Variants in AKAP13 observed in about 807,000 individuals in gnomAD.
AKAP13 encodes A-kinase anchor protein 13.
AKAP13 carries 80 observed loss-of-function variants against 264.5 expected under a neutral mutation model. The ratio of observed to expected loss-of-function variants is 0.30; its 90% confidence interval spans 0.25 to 0.36. The LOEUF is 0.36. Among genes scored for constraint, AKAP13 ranks in the 10% least tolerant of loss-of-function variants. The pLI, the probability that AKAP13 is intolerant of heterozygous loss-of-function variation, is 1.00. For synonymous variants in AKAP13, 1,380 were observed against 1,250.2 expected (o/e 1.10, Z -2.19); for missense variants, 3,712 against 3,435.2 (o/e 1.08, Z -2.01).
At chr15:85,702,370 C>T (rs150999623) in intron 17 of AKAP13, 1 of 152,210 alleles carries the variant, frequency 6.6e-6, no homozygotes, top group Non-Finnish European at 1.5e-5. Flanking sequence ...CCTGAAGAAG[C>T]TGAATGTTTG....
intron 8 of AKAP13, among the ~76,000 whole-genome samples, chr15:85,613,713 T>TGTGTGTG (rs1254657975): frequency 1.8e-5 from 2 of 110,986 alleles, no homozygotes; most frequent in Non-Finnish European, 1.9e-5. Context: ...TATATATATA[T>TGTGTGTG]TAGGAGTGCT....
At position 85,580,443 on chromosome 15, in the gene AKAP13, G is replaced by T; in HGVS notation, c.2375G>T (p.Gly792Val). 6.2e-7 allele frequency: 1 copy of T among 1,614,216 alleles called. No homozygotes were observed. The highest frequency in any genetic ancestry group is 1.1e-5 in the South Asian group (1 of 91,084). ...DSTFSLANSP[G>V]SESVTKDDAL... ...ACTTTCTCTCTGGCAAACAGTCCAG[G>T]CAGTGAATCAGTAACCAAGGATGAC... The change falls in exon 7 of 37, where the codon GGC becomes GTC. Residue 792 changes from glycine (G) to valine (V), a missense_variant. Physicochemically the swap from Gly to Val is moderately radical, Grantham distance 109. Transcript: ENST00000394518.
intron 17 of AKAP13, among the ~76,000 whole-genome samples, chr15:85,694,119 C>G (rs1311745416): frequency 6.6e-6 from 1 of 152,190 alleles, no homozygotes; most frequent in Non-Finnish European, 1.5e-5. Flanking sequence ...ACTCAGTGGT[C>G]TTCTGTTAGA....
chr15:85,587,917 G>T (rs1763662400), intron 8 of AKAP13, among the ~76,000 whole-genome samples: 1 of 152,114 alleles, frequency 6.6e-6, no homozygotes, highest in African/African-American at 2.4e-5. Context: ...CAAAGTGCTG[G>T]AAGTACAGGC....
At chr15:85,601,258 G>A (rs2080054640) in intron 8 of AKAP13, among the ~76,000 whole-genome samples, 1 of 152,060 alleles carries the variant, frequency 6.6e-6, no homozygotes, top group Non-Finnish European at 1.5e-5. Flanking sequence ...TAGTCCCTTA[G>A]GAAGTACCTT....
chr15:85,464,028 C>T (rs971540168), intron 1 of AKAP13, among the ~76,000 whole-genome samples: 2 of 152,132 alleles, frequency 1.3e-5, no homozygotes, highest in African/African-American at 2.4e-5. Context: ...GCTCCCGAGG[C>T]CCTGTTCCTA....
At chr15:85,680,960 G>A (rs1395739007) in intron 14 of AKAP13, among the ~76,000 whole-genome samples, 1 of 152,202 alleles carries the variant, frequency 6.6e-6, no homozygotes, top group Non-Finnish European at 1.5e-5. Flanking sequence ...TGGGACTACA[G>A]GCATGCGCCA....
At chr15:85,735,965 C>T (rs953854173) in intron 32 of AKAP13, 125 bp from the exon 33 acceptor site, 1 of 834,480 alleles carries the variant, frequency 1.2e-6, no homozygotes, top group Non-Finnish European at 2.0e-6. Context: ...CCTCTTAAAC[C>T]TTCACTACCT....
chr15:85,396,893 A>C, intron 1 of AKAP13, among the ~76,000 whole-genome samples: 1 of 137,850 alleles, frequency 7.3e-6, no homozygotes, highest in South Asian at 2.4e-4. Flanking sequence ...GTCCTCTCGT[A>C]TGTTAGACTT....
intron 1 of AKAP13, among the ~76,000 whole-genome samples, chr15:85,389,018 G>A (rs62024512): frequency 0.21 from 32,183 of 152,094 alleles, 3,691 homozygotes; most frequent in East Asian, 0.31. Context: ...GAAGAATTGG[G>A]CTCTCCTTGA....
At chr15:85,492,635 A>G (rs550624050) in intron 2 of AKAP13, among the ~76,000 whole-genome samples, 1 of 152,358 alleles carries the variant, frequency 6.6e-6, no homozygotes, top group East Asian at 1.9e-4. Flanking sequence ...GAATTGTAAC[A>G]TTGATGTAAT....
intron 8 of AKAP13, among the ~76,000 whole-genome samples, chr15:85,595,599 G>A (rs1436650337): frequency 6.6e-6 from 1 of 152,222 alleles, no homozygotes; most frequent in African/African-American, 2.4e-5. Context: ...TGTCTGAAAC[G>A]TAATGGTGTT....
intron 13 of AKAP13, among the ~76,000 whole-genome samples, chr15:85,665,989 T>C (rs1299367889): frequency 6.6e-6 from 1 of 152,228 alleles, no homozygotes; most frequent in African/African-American, 2.4e-5. Flanking sequence ...TAAACATACA[T>C]GTGCATGTGT....
chr15:85,722,990 T>C (rs2087390843), intron 25 of AKAP13, 82 bp from the exon 26 acceptor site: 48 of 1,527,810 alleles, frequency 3.1e-5, no homozygotes, highest in Admixed American at 5.7e-5. Context: ...AAAGATGATA[T>C]GGAGTGAGAA....
At chr15:85,411,970 A>G (rs2071992815) in intron 1 of AKAP13, among the ~76,000 whole-genome samples, 1 of 152,236 alleles carries the variant, frequency 6.6e-6, no homozygotes, top group South Asian at 2.1e-4. Flanking sequence ...GCTTTTCAGT[A>G]TTTAAAAGCT....
intron 8 of AKAP13, among the ~76,000 whole-genome samples, chr15:85,603,709 C>T (rs539138296): frequency 1.3e-5 from 2 of 152,222 alleles, no homozygotes; most frequent in Admixed American, 6.5e-5. Context: ...GTTGTATTCA[C>T]TCAATGTATT....
intron 1 of AKAP13, among the ~76,000 whole-genome samples, chr15:85,447,000 G>A (rs965767626): frequency 8.5e-5 from 13 of 152,138 alleles, no homozygotes; most frequent in African/African-American, 2.7e-4. Flanking sequence ...CGGGTGTGGC[G>A]GCTCACACCT....
At chr15:85,536,235 C>T (rs2077393886) in intron 4 of AKAP13, 2 of 152,144 alleles carry the variant, frequency 1.3e-5, no homozygotes, top group Admixed American at 1.3e-4. Context: ...CTAACAAAGG[C>T]CAAACCAAAT....
intron 1 of AKAP13, among the ~76,000 whole-genome samples, chr15:85,431,403 G>A (rs1567052901): frequency 6.6e-6 from 1 of 152,212 alleles, no homozygotes; most frequent in Non-Finnish European, 1.5e-5. Context: ...GTTTTCTCAT[G>A]TGTAAAACAA....
Sources: gnomAD v4.1 joint callset for allele counts (sites outside exome capture counted in the v4.1 genomes callset) on GRCh38, gnomAD v4.1.1 for gene constraint, MANE v1.5 for transcripts, NCBI Gene and HGNC (gene_info 2026-07-23, HGNC 2026-07-21) for gene names.